Variants in STARD8 observed in about 807,000 individuals in gnomAD.
STARD8 encodes the protein stAR-related lipid transfer protein 8.
Under a neutral mutation model 69.4 loss-of-function variants are expected in STARD8, and 25 were observed. The ratio of observed to expected loss-of-function variants is 0.36; its 90% CI spans 0.26 to 0.50. The LOEUF (loss-of-function observed/expected upper bound fraction) is 0.50. Ranked by LOEUF, STARD8 falls within the 20% of genes least tolerant of loss-of-function variation. The probability of loss-of-function intolerance (pLI) is 0.96; values close to 1 mark genes in which losing one functional copy is unlikely to be tolerated. For synonymous variants in STARD8, 389 were observed against 374.6 expected, an observed-to-expected ratio of 1.04 and a Z score of -0.45; for missense variants, 921 against 932.5, an observed-to-expected ratio of 0.99 and a Z score of 0.16.
At chrX:68,720,090 T>A (rs2080133614) in intron 7 of STARD8, among the ~76,000 whole-genome samples, 174 bp from the exon 8 acceptor site, 1 of 112,603 alleles carries the variant, frequency 8.9e-6, no homozygotes, top group African/African-American at 3.2e-5. Context: ...GAGAGCTCTC[T>A]GTGTTCCTCT....
intron 1 of STARD8, among the ~76,000 whole-genome samples, chrX:68,648,297 A>T (rs2079527321): frequency 8.9e-6 from 1 of 112,439 alleles, no homozygotes; most frequent in Non-Finnish European, 1.9e-5. Context: ...GTTATTGTTT[A>T]CATAGCAAAT....
intron 2 of STARD8, chrX:68,693,612 C>A: frequency 1.3e-6 from 1 of 753,266 alleles, no homozygotes. Flanking sequence ...CCCTACAGCC[C>A]TACTCGCCGA....
chrX:68,661,647 C>T (rs2147876815), intron 1 of STARD8, among the ~76,000 whole-genome samples: 1 of 111,707 alleles, frequency 9.0e-6, no homozygotes, highest in South Asian at 3.8e-4. Flanking sequence ...TAACTTTTTC[C>T]TCTGTTCCTG....
intron 2 of STARD8, among the ~76,000 whole-genome samples, chrX:68,666,644 A>C (rs968324975): frequency 2.7e-5 from 3 of 112,046 alleles, no homozygotes; most frequent in African/African-American, 9.8e-5. Context: ...AAGAACTGAT[A>C]GGTGAGGGGT....
At chrX:68,662,334 C>G (rs2079656789) in intron 1 of STARD8, among the ~76,000 whole-genome samples, 1 of 111,236 alleles carries the variant, frequency 9.0e-6, no homozygotes, top group Non-Finnish European at 1.9e-5. Flanking sequence ...CTAGGCCCCC[C>G]ATTCCCAATC....
chrX:68,657,953 G>A (rs1287009561), intron 1 of STARD8, among the ~76,000 whole-genome samples: 1 of 110,817 alleles, frequency 9.0e-6, no homozygotes, highest in Non-Finnish European at 1.9e-5. Flanking sequence ...ATGCCAAAAG[G>A]TGTACAAGTG....
At position 68,647,852 on chromosome X, in the gene STARD8, C is replaced by T. The variant is rs1485459319; in HGVS notation, c.-31C>T. Reference sequence around the variant, plus strand: ...GAGGAGCCGGTGCCCGGCACAGCCCCGCCGGCCCTAGAAGCTCCCCACGCG... The same window carrying T: ...GAGGAGCCGGTGCCCGGCACAGCCCTGCCGGCCCTAGAAGCTCCCCACGCG... On this transcript the variant is annotated 5_prime_UTR_variant, in exon 1 of 15. Transcript: ENST00000374599. 2.5e-6 allele frequency: 3 copies of T among 1,188,386 alleles called. No individual in the cohort carries two copies. The highest frequency in any genetic ancestry group is 3.4e-6 in the Non-Finnish European group (3 of 884,363).
chrX:68,673,981 T>C (rs1160187580), intron 2 of STARD8, among the ~76,000 whole-genome samples: 1 of 111,624 alleles, frequency 9.0e-6, no homozygotes, highest in African/African-American at 3.3e-5. Context: ...ATATAATTGT[T>C]GTGGAATAGC....
rs772190602 is a variant in STARD8 at position 68,719,332 on chromosome X, G to T, written c.1823G>T (p.Gly608Val). 1 of 1,207,952 alleles carries T rather than the reference G, an allele frequency of 8.3e-7. No homozygotes were observed. The highest frequency in any genetic ancestry group is 1.8e-5 in the South Asian group (1 of 56,215). Residue 608 changes from glycine to valine, a missense_variant, in exon 7 of 15, where the codon GGC (glycine) becomes GTC (valine). By Grantham distance (109) the Gly-to-Val change is moderately radical (BLOSUM62 -3). Coordinates refer to ENST00000374599, the MANE Select transcript of STARD8 (RefSeq NM_001142503.3). ...GGCCAGATCAACCTCCTGCACAAGG[G>T]CTCACTGCTGCGGCTTACCGCGTTC... ...FAGQINLLHK[G>V]SLLRLTAFME...
At position 68,724,692 on chromosome X, in the gene STARD8, C is replaced by G. The variant is rs1261507701; in HGVS notation, c.*270C>G. The G allele has an allele frequency of 3.8e-6, 1 of 264,143 alleles. No individual in the cohort carries two copies. The highest frequency in any genetic ancestry group is 2.8e-5 in the African/African-American group (1 of 36,248). The allele number at this position is 264,143 out of a possible 1,213,427, so 21.8% of individuals were successfully genotyped here. On this transcript the variant is annotated 3_prime_UTR_variant, in exon 15 of 15. Coordinates refer to ENST00000374599, the MANE Select transcript of STARD8 (RefSeq NM_001142503.3). Reference sequence around the variant, plus strand: ...GAAGAGAATCGCATGAGTAGCAAGACTGCTGCCACCAGCCACCTGCTTGTG... The same window carrying G: ...GAAGAGAATCGCATGAGTAGCAAGAGTGCTGCCACCAGCCACCTGCTTGTG...
rs1302028881 is a variant in STARD8 at position 68,724,587 on chromosome X, C to T, written c.*165C>T. 4.7e-6 allele frequency: 2 copies of T among 421,229 alleles called. No homozygotes were observed. Among genetic ancestry groups the T allele is most frequent in the East Asian group, 7.7e-5 (2 of 25,843 alleles). 34.7% of individuals were successfully genotyped at this position (421,229 alleles called of 1,213,427 possible). The stretch of plus-strand genomic sequence containing the variant: ...TCCCCTTTCCTAAAGCTCCTCTGCA[C>T]ATAGAGGGGAGAAAAAGAGAATTTA... On this transcript the variant is annotated 3_prime_UTR_variant, in exon 15 of 15. Coordinates refer to ENST00000374599, the MANE Select transcript of STARD8 (RefSeq NM_001142503.3).
chrX:68,655,421 G>A (rs942793226), intron 1 of STARD8, among the ~76,000 whole-genome samples: 4 of 112,152 alleles, frequency 3.6e-5, no homozygotes, highest in Admixed American at 9.4e-5. Context: ...AGGTTCACTC[G>A]CAGGGCCCTT....
At position 68,718,322 on chromosome X, in the gene STARD8, G is replaced by C. The variant is rs2080114918; in HGVS notation, c.1408G>C (p.Ala470Pro). Residue 470 changes from alanine (A) to proline (P), a missense_variant, in exon 6 of 15, where the codon GCT becomes CCT. Physicochemically the swap from Ala to Pro is conservative, Grantham distance 27. Coordinates refer to ENST00000374599, the MANE Select transcript of STARD8 (RefSeq NM_001142503.3). Reference sequence around the variant, plus strand: ...GCCAGCAGTCCTGGCTCCGGCTCAGGCTCCAGCTGAGGCTGAACCAGTGGC... The same window carrying C: ...GCCAGCAGTCCTGGCTCCGGCTCAGCCTCCAGCTGAGGCTGAACCAGTGGC... ...VQPAVLAPAQ[A>P]PAEAEPVAQE... 2 of 1,208,776 alleles carry C rather than the reference G, an allele frequency of 1.7e-6. No homozygotes were observed. Among genetic ancestry groups the C allele is most frequent in the Middle Eastern group, 2.3e-4 (1 of 4,312 alleles).
At chrX:68,704,269 G>C (rs1224262169) in intron 2 of STARD8, among the ~76,000 whole-genome samples, 1 of 111,911 alleles carries the variant, frequency 8.9e-6, no homozygotes, top group Non-Finnish European at 1.9e-5. Context: ...CTTCGCGGGA[G>C]TGGGTGTTTG....
intron 6 of STARD8, 142 bp from the exon 7 acceptor site, chrX:68,719,083 C>T: frequency 9.0e-6 from 7 of 775,010 alleles, no homozygotes; most frequent in Non-Finnish European, 1.2e-5. Flanking sequence ...CCTGGGGCCT[C>T]AGCAGCAGCA....
rs55927581 is a variant in STARD8, at chrX:68,718,427, G to T, written c.1513G>T (p.Gly505Trp). ...QDSEQEAHSG[G>W]EPTFASSLSV... ...CAGTGAGCAGGAGGCACATTCAGGC[G>T]GGGAACCCACCTTTGCCTCTAGCCT... The change falls in exon 6 of 15, where the codon GGG (glycine) becomes TGG (tryptophan). Residue 505 changes from glycine (G) to tryptophan (W), a missense_variant. By Grantham distance (184) the Gly-to-Trp change is radical. Coordinates refer to ENST00000374599, the MANE Select transcript of STARD8 (RefSeq NM_001142503.3). The T allele has an allele frequency of 8.3e-6, 10 of 1,210,791 alleles. No individual in the cohort carries two copies. In the East Asian group the frequency reaches 3.0e-4, roughly 36 times the overall value.
intron 2 of STARD8, among the ~76,000 whole-genome samples, chrX:68,697,761 G>A (rs184759857): frequency 1.5e-4 from 17 of 112,088 alleles, no homozygotes; most frequent in African/African-American, 4.9e-4. Context: ...CTCCATATCC[G>A]GGCCAGCCCT....
intron 2 of STARD8, among the ~76,000 whole-genome samples, chrX:68,712,538 G>A (rs2080058981): frequency 8.9e-6 from 1 of 112,846 alleles, no homozygotes; most frequent in Non-Finnish European, 1.9e-5. Flanking sequence ...TTGGAAGGGG[G>A]TGAGTCCCTC....
At chrX:68,678,299 T>G (rs1329785540) in intron 2 of STARD8, among the ~76,000 whole-genome samples, 1 of 111,025 alleles carries the variant, frequency 9.0e-6, no homozygotes, top group African/African-American at 3.3e-5. Context: ...CAAGTTATTA[T>G]GAGCCTTGCT....
Sources: gnomAD v4.1 joint callset for allele counts (sites outside exome capture counted in the v4.1 genomes callset) on GRCh38, gnomAD v4.1.1 for gene constraint, MANE v1.5 for transcripts, NCBI Gene and HGNC (gene_info 2026-07-23, HGNC 2026-07-21) for gene names.